The following BICRA variants were observed in gnomAD, a reference collection of about 807,000 sequenced individuals.
The protein encoded by BICRA is BRD4-interacting chromatin-remodeling complex-associated protein.
A neutral mutation model predicts 96.9 loss-of-function variants in BICRA; 31 were observed. That is an observed-to-expected ratio of 0.32 (90% CI 0.24 to 0.43). BICRA has a LOEUF of 0.43. Ranked by LOEUF, BICRA falls within the 20% of genes least tolerant of loss-of-function variation. The probability of loss-of-function intolerance (pLI) is 1.00; values close to 1 mark genes in which losing one functional copy is unlikely to be tolerated. For missense variants in BICRA, 2,283 were observed against 2,190.3 expected, an observed-to-expected ratio of 1.04 and a Z score of -0.84; for synonymous variants, 1,350 against 1,071.8, an observed-to-expected ratio of 1.26 and a Z score of -5.07.
In BICRA at chr19:47,698,182, C is replaced by G. The variant is rs553692657; in HGVS notation, c.3249-452C>G. Among the ~76,000 whole-genome samples, 3 of 152,162 alleles carry G rather than the reference C, an allele frequency of 2.0e-5. No individual in the cohort carries two copies. Among genetic ancestry groups the G allele is most frequent in the African/African-American group, 4.8e-5 (2 of 41,436 alleles). ...CAGTCACACTGCCAACAGACAAAACCCATTGTAACATGGGCTACAAAAGCG... is the reference window on the plus strand; with the variant it reads ...CAGTCACACTGCCAACAGACAAAACGCATTGTAACATGGGCTACAAAAGCG... On this transcript the variant is annotated intron_variant, in intron 11 of 14. Coordinates refer to ENST00000594866, the MANE Select transcript of BICRA (RefSeq NM_001394372.1). The surrounding 1 kb of genome is among the most constrained non-coding windows in gnomAD (Gnocchi z 4.8).
rs1972924684 is a variant in BICRA at position 47,675,374 on chromosome 19, A to G, written c.85-477A>G. Among the ~76,000 whole-genome samples, 1 of 152,188 alleles carries G rather than the reference A, an allele frequency of 6.6e-6. No individual in the cohort carries two copies. The highest frequency in any genetic ancestry group is 2.1e-4 in the South Asian group (1 of 4,828). Reference sequence around the variant, plus strand: ...CTAAGGATGGTGCTAAGCATCTGAGAATGCCCTGCCCTTCCAGAGATGGCA... The same window carrying G: ...CTAAGGATGGTGCTAAGCATCTGAGGATGCCCTGCCCTTCCAGAGATGGCA... On this transcript the variant is annotated intron_variant, in intron 4 of 14. Coordinates refer to ENST00000594866, the MANE Select transcript of BICRA (RefSeq NM_001394372.1). The surrounding 1 kb of genome is among the most constrained non-coding windows in gnomAD (Gnocchi z 4.7).
At chr19:47,671,814 G>A (rs1160225164) in intron 2 of BICRA, among the ~76,000 whole-genome samples, 2 of 148,058 alleles carry the variant, frequency 1.4e-5, no homozygotes, top group East Asian at 2.1e-4. Flanking sequence ...CTAGATGGAT[G>A]GAGGGATGAA....
intron 7 of BICRA, among the ~76,000 whole-genome samples, chr19:47,685,786 T>TGTGTGCGCGCGCGCGCGCGC: frequency 2.0e-4 from 23 of 117,928 alleles, no homozygotes; most frequent in East Asian, 1.0e-3. Context: ...TGTGTGTGTG[T>TGTGTGCGCGCGCGCGCGCGC]GCGCGCGCGC....
chr19:47,701,858 C>T lies in BICRA; in HGVS notation c.4126C>T (p.Leu1376=), dbSNP rs767300275. Residue 1376 remains leucine (L), a synonymous_variant, in exon 15 of 15, where the codon CTG becomes TTG. Coordinates refer to ENST00000594866, the MANE Select transcript of BICRA (RefSeq NM_001394372.1). This position sits in a 1 kb window ranked among gnomAD's most constrained non-coding sequence, Gnocchi z 5.4. The part of the protein sequence containing the change: ...PPPAAPERKP[L]GTAPHCPRLP... ...GCCTGCCGCCCCCGAGCGCAAGCCC[C>T]TGGGCACCGCCCCGCACTGCCCGCG... 5.8e-5 allele frequency: 87 copies of T among 1,507,446 alleles called. 1 individual carries two copies. In the South Asian group the frequency reaches 1.0e-3, roughly 18 times the overall value. 93.4% of individuals were successfully genotyped at this position (1,507,446 alleles called of 1,614,324 possible).
intron 1 of BICRA, among the ~76,000 whole-genome samples, chr19:47,665,437 A>G (rs925591888): frequency 1.3e-5 from 2 of 152,090 alleles, no homozygotes; most frequent in Admixed American, 6.5e-5. Context: ...CAACCAAACC[A>G]TCAGACGGAT....
At chr19:47,687,142 T>G (rs1271607456) in intron 7 of BICRA, among the ~76,000 whole-genome samples, 1 of 152,186 alleles carries the variant, frequency 6.6e-6, no homozygotes, top group East Asian at 1.9e-4. Context: ...AAAGAGGCAA[T>G]AGTAAACGTT....
rs1231537142 is a variant in BICRA, at chr19:47,681,072, C to A, written c.1902C>A (p.Pro634=). ...AGGCGCCCCCCGCGGTCAGCACACC[C>A]CTGCCCCTGGGCCTCCAGCAGCCGC... is the stretch of plus-strand genomic sequence containing the variant. ...APQAPPAVST[P]LPLGLQQPQA... is the part of the protein sequence containing the mutation. The change falls in exon 6 of 15, where the codon CCC becomes CCA. Residue 634 remains proline (P), a synonymous_variant. Transcript: ENST00000594866. 2 of 1,441,338 alleles carry A rather than the reference C, an allele frequency of 1.4e-6. No individual in the cohort carries two copies. The highest frequency in any genetic ancestry group is 2.5e-5 in the Admixed American group (1 of 40,248). 89.3% of individuals were successfully genotyped at this position (1,441,338 alleles called of 1,614,324 possible).
chr19:47,680,471 C>T lies in BICRA; in HGVS notation c.1301C>T (p.Ala434Val), dbSNP rs1463987988. The T allele has an allele frequency of 5.2e-6, 8 of 1,539,894 alleles. No homozygotes were observed. Among genetic ancestry groups the T allele is most frequent in the South Asian group, 4.8e-5 (4 of 83,938 alleles). The change falls in exon 6 of 15, where the codon GCG becomes GTG. Residue 434 changes from alanine to valine, a missense_variant. By Grantham distance (64) the Ala-to-Val change is moderately conservative. Coordinates refer to ENST00000594866, the MANE Select transcript of BICRA (RefSeq NM_001394372.1). ...FKQPPATTTG[A>V]APPQPPGALS... ...CAGCCACCGGCCACCACCACCGGAG[C>T]GGCCCCGCCGCAGCCCCCCGGGGCC...
At position 47,695,094 on chromosome 19, in the gene BICRA, C is replaced by G; in HGVS notation, c.3076+14C>G. On this transcript the variant is annotated intron_variant, in intron 9 of 14. Coordinates refer to ENST00000594866, the MANE Select transcript of BICRA (RefSeq NM_001394372.1). ...TGGCCGCCACAGGTAGGAGAGAGGT[C>G]GCCTATGTGCCCAGGGAGACGGGGC... 6.8e-7 allele frequency: 1 copy of G among 1,478,930 alleles called. No homozygotes were observed. The highest frequency in any genetic ancestry group is 8.9e-7 in the Non-Finnish European group (1 of 1,119,100). The allele number at this position is 1,478,930 out of a possible 1,614,324, so 91.6% of individuals were successfully genotyped here. A position where few individuals can be genotyped will look rare whatever the true frequency, so the allele number is the denominator to read the frequency against.
intron 1 of BICRA, among the ~76,000 whole-genome samples, chr19:47,636,019 A>T (rs192928247): frequency 2.0e-5 from 3 of 152,332 alleles, no homozygotes; most frequent in African/African-American, 7.2e-5. Context: ...AATTATTAAA[A>T]TTATTTTATA....
chr19:47,643,685 T>A (rs138752946), intron 1 of BICRA, among the ~76,000 whole-genome samples: 1 of 152,350 alleles, frequency 6.6e-6, no homozygotes, highest in Non-Finnish European at 1.5e-5. Flanking sequence ...TTCATGGTTT[T>A]GCTTTTCTCG....
intron 5 of BICRA, 139 bp downstream of exon 5, chr19:47,676,055 G>A (rs1330830301): frequency 9.7e-6 from 6 of 617,938 alleles, no homozygotes; most frequent in Non-Finnish European, 1.7e-5. Flanking sequence ...GCCACCCAGG[G>A]TGGCTGGACC....
chr19:47,651,722 G>C (rs967100588), intron 1 of BICRA, among the ~76,000 whole-genome samples: 3 of 152,178 alleles, frequency 2.0e-5, no homozygotes, highest in Non-Finnish European at 4.4e-5. Flanking sequence ...TTTAGAAGTG[G>C]GAGGTCAGTT....
intron 1 of BICRA, among the ~76,000 whole-genome samples, chr19:47,665,743 G>A (rs1368348900): frequency 1.3e-5 from 2 of 152,232 alleles, no homozygotes; most frequent in Non-Finnish European, 2.9e-5. Context: ...TGCACACAGT[G>A]CAGGTGCCGC....
chr19:47,665,324 C>T (rs1482588984), intron 1 of BICRA, among the ~76,000 whole-genome samples: 2 of 152,240 alleles, frequency 1.3e-5, no homozygotes, highest in Non-Finnish European at 2.9e-5. Flanking sequence ...TGAGCTCCTA[C>T]TGTATGCCAC....
intron 7 of BICRA, among the ~76,000 whole-genome samples, chr19:47,685,784 T>TGCGC (rs1377559075): frequency 1.4e-3 from 158 of 115,474 alleles, no homozygotes; most frequent in East Asian, 2.7e-3. Context: ...TGTGTGTGTG[T>TGCGC]GTGCGCGCGC....
At chr19:47,667,950 G>A (rs947768523) in intron 1 of BICRA, among the ~76,000 whole-genome samples, 1 of 152,130 alleles carries the variant, frequency 6.6e-6, no homozygotes, top group African/African-American at 2.4e-5. Context: ...CAGCCTGGGT[G>A]GGGTGCGGTG....
At chr19:47,642,900 C>T (rs1238225554) in intron 1 of BICRA, among the ~76,000 whole-genome samples, 1 of 152,136 alleles carries the variant, frequency 6.6e-6, no homozygotes, top group East Asian at 1.9e-4. Flanking sequence ...TTTAATTTCC[C>T]TGATGACTAA....
At chr19:47,613,647 CCT>C (rs1427529417) in intron 1 of BICRA, among the ~76,000 whole-genome samples, 4 of 151,994 alleles carry the variant, frequency 2.6e-5, no homozygotes, top group Non-Finnish European at 4.4e-5. Flanking sequence ...TTTTTTGTCC[CCT>C]GTCTTGTCTG....
Sources: gnomAD v4.1 joint callset for allele counts (sites outside exome capture counted in the v4.1 genomes callset) on GRCh38, gnomAD v4.1.1 for gene constraint, Gnocchi (gnomAD v3.1) non-coding constraint, MANE v1.5 for transcripts, NCBI Gene and HGNC (gene_info 2026-07-23, HGNC 2026-07-21) for gene names.